MKKS: variants seen among roughly 807,000 people sequenced by gnomAD.
MKKS encodes MKKS centrosomal shuttling protein.
Under a neutral mutation model 33.2 loss-of-function variants are expected in MKKS, and 29 were observed. The ratio of observed to expected loss-of-function variants is 0.87; its 90% CI spans 0.65 to 1.19. The LOEUF (loss-of-function observed/expected upper bound fraction) is 1.19, where lower values mean the gene tolerates loss of function less well. Among genes scored for constraint, MKKS ranks in the 50% most tolerant of loss-of-function variants. MKKS has a pLI of 0.00. For missense variants in MKKS, 661 were observed against 662.3 expected (o/e 1.00, Z 0.02); for synonymous variants, 260 against 244.0 (o/e 1.07, Z -0.61).
chr20:10,423,646 C>G lies in MKKS; in HGVS notation c.-648-2888G>C, dbSNP rs1434341969. ...AAGAGTGAAAATTATATAGGGTTAG[C>G]TCCCTATAATACTTAGTGAATCTTT... On this transcript the variant is annotated intron_variant, in intron 1 of 5. Transcript: ENST00000347364. 2.0e-5 allele frequency among the ~76,000 whole-genome samples: 3 copies of G among 152,114 alleles called. No homozygotes were observed. In the South Asian group the frequency reaches 6.2e-4, roughly 32 times the overall value.
chr20:10,412,723 A>C lies in MKKS; in HGVS notation c.792T>G (p.Tyr264Ter), dbSNP rs74315397. Residue 264 changes from tyrosine to a stop codon, truncating the protein, a stop_gained, in exon 3 of 6, where the codon TAT becomes TAG. Transcript: ENST00000347364. LOFTEE classifies it high-confidence loss of function. Reference protein sequence around the residue: ...DTGEGTVVVSYGVSLENAVLD... With the variant: ...DTGEGTVVVS ...AGACTGCATTTTCAAGAGAAACCCC[A>C]TAACTGACCACCACAGTTCCTTCTC... 2 of 1,614,062 alleles carry C rather than the reference A, an allele frequency of 1.2e-6. No individual in the cohort carries two copies. Among genetic ancestry groups the C allele is most frequent in the South Asian group, 1.1e-5 (1 of 91,090 alleles).
intron 1 of MKKS, among the ~76,000 whole-genome samples, chr20:10,429,673 T>G (rs1442103845): frequency 1.3e-5 from 2 of 152,196 alleles, no homozygotes; most frequent in Non-Finnish European, 2.9e-5. Context: ...ATGCTCCTCA[T>G]CAACTCACTC....
chr20:10,432,789 C>CAAAAA (rs71184200), intron 1 of MKKS, among the ~76,000 whole-genome samples: 17,147 of 74,318 alleles, frequency 0.23, 3,785 homozygotes, highest in Non-Finnish European at 0.32. Context: ...GACTCTTTGT[C>CAAAAA]AAAAAAAAAA....
rs879861291 is a variant in MKKS at position 10,424,582 on chromosome 20, C to CA, written c.-648-3825dup. Among the ~76,000 whole-genome samples, 199 of 142,160 alleles carry CA rather than the reference C, an allele frequency of 1.4e-3. No homozygotes were observed. The Middle Eastern group carries it at 0.015, about 10-fold the overall frequency. The allele number at this position is 142,160 out of a possible 152,430, so 93.3% of individuals were successfully genotyped here. A position where few individuals can be genotyped will look rare whatever the true frequency, so the allele number is the denominator to read the frequency against. Reference sequence around the variant, plus strand: ...CTAGCAAAGCTCATTGCTAGTTTTACAAAAAAAAAAATAGTTTTCAAATTT... The same window carrying CA: ...CTAGCAAAGCTCATTGCTAGTTTTACAAAAAAAAAAAATAGTTTTCAAATTT... On this transcript the variant is annotated intron_variant, in intron 1 of 5. Transcript: ENST00000347364.
rs770568142 is a variant in MKKS, at chr20:10,405,550, A to G, written c.1410T>C (p.Thr470=). The change falls in exon 6 of 6, where the codon ACT becomes ACC. Residue 470 remains threonine (T), a synonymous_variant. Coordinates refer to ENST00000347364, the MANE Select transcript of MKKS (RefSeq NM_170784.3). ...ACCAAAGGTGTCCATACTTCATGTC[A>G]GTGAGAATTTCACCTCCATCATGTT... ...SLEHDGGEIL[T]DMKYGHLWSV... is the part of the protein sequence containing the mutation. The G allele has an allele frequency of 1.7e-5, 28 of 1,614,082 alleles. No individual in the cohort carries two copies. In the South Asian group the frequency reaches 2.9e-4, roughly 16 times the overall value.
intron 3 of MKKS, among the ~76,000 whole-genome samples, chr20:10,411,420 A>G (rs77689777): frequency 0.018 from 2,683 of 152,206 alleles, 85 homozygotes; most frequent in African/African-American, 0.06. Flanking sequence ...AAAGTGTCCC[A>G]TATTTTAAAA....
chr20:10,415,381 G>C (rs1240537848), intron 2 of MKKS, among the ~76,000 whole-genome samples: 1 of 152,100 alleles, frequency 6.6e-6, no homozygotes, highest in African/African-American at 2.4e-5. Flanking sequence ...CAAAGAGGTG[G>C]GCAGAACAAG....
Position 10,407,719 on chromosome 20 carries a change from C to T in MKKS, c.1169G>A (p.Cys390Tyr), listed in dbSNP as rs1361214616. 3.1e-6 allele frequency: 5 copies of T among 1,613,382 alleles called. No individual in the cohort carries two copies. In the African/African-American group the frequency reaches 4.0e-5, roughly 13 times the overall value. Residue 390 changes from cysteine to tyrosine, a missense_variant, in exon 5 of 6, where the codon TGT becomes TAT. Cys to Tyr is a radical substitution (Grantham distance 194). Coordinates refer to ENST00000347364, the MANE Select transcript of MKKS (RefSeq NM_170784.3). ...CTGCAGGACATGCAGTGCCGTCTGA[C>T]ACGTGAGCTAAGAAAAAACCCAAAT... ...DTAWDELKLTCQTALHVLQLT... is the reference protein window; with the variant it reads ...DTAWDELKLTYQTALHVLQLT...
At position 10,404,489 on chromosome 20, in the gene MKKS, A is replaced by G. The variant is rs2064827665; in HGVS notation, c.*758T>C. ...GCACAGGGCAGCCTCCGTACAACAA[A>G]GAATTATGGGGCTCAGAATGTCAAT... On this transcript the variant is annotated 3_prime_UTR_variant, in exon 6 of 6. Coordinates refer to ENST00000347364, the MANE Select transcript of MKKS (RefSeq NM_170784.3). The G allele has an allele frequency of 6.6e-6, 1 of 151,864 alleles. No homozygotes were observed. The highest frequency in any genetic ancestry group is 2.4e-5 in the African/African-American group (1 of 41,304). 9.4% of individuals were successfully genotyped at this position (151,864 alleles called of 1,614,324 possible).
At chr20:10,421,422 A>C (rs990883155) in intron 1 of MKKS, among the ~76,000 whole-genome samples, 22 of 151,460 alleles carry the variant, frequency 1.5e-4, no homozygotes, top group African/African-American at 5.1e-4. Flanking sequence ...ATCACAAAAA[A>C]AAAAAAAAAA....
chr20:10,431,826 C>T (rs1311704454), intron 1 of MKKS: 1 of 152,210 alleles, frequency 6.6e-6, no homozygotes, highest in Non-Finnish European at 1.5e-5. Flanking sequence ...CCCCTTTGGT[C>T]CACAGAGGAT....
In MKKS at chr20:10,408,618, C is replaced by A; in HGVS notation, c.1161+10G>T. ...GCCTCTGCATATGGAATTCAAAGTT[C>A]ATTACCTACCTTCAGCTCATCCCAG... is the stretch of plus-strand genomic sequence containing the variant. On this transcript the variant is annotated intron_variant, in intron 4 of 5. Transcript: ENST00000347364. 1 of 1,613,682 alleles carries A rather than the reference C, an allele frequency of 6.2e-7. No homozygotes were observed. Among genetic ancestry groups the A allele is most frequent in the Non-Finnish European group, 8.5e-7 (1 of 1,179,712 alleles).
At chr20:10,428,111 T>C (rs2065028731) in intron 1 of MKKS, among the ~76,000 whole-genome samples, 1 of 152,232 alleles carries the variant, frequency 6.6e-6, no homozygotes, top group African/African-American at 2.4e-5. Context: ...CAGTCTCAAA[T>C]ATTAAGCAAG....
Position 10,408,739 on chromosome 20 carries a change from C to G in MKKS, c.1050G>C (p.Val350=). 6.2e-7 allele frequency: 1 copy of G among 1,613,818 alleles called. No individual in the cohort carries two copies. Among genetic ancestry groups the G allele is most frequent in the South Asian group, 1.1e-5 (1 of 91,076 alleles). The change falls in exon 4 of 6, where the codon GTG becomes GTC. Residue 350 remains valine (V), a synonymous_variant. Transcript: ENST00000347364. ...CPNSYGSVKD[V]CTAKFGSKHF... is the part of the protein sequence containing the mutation. Reference sequence around the variant, plus strand: ...GTTTGGAGCCAAATTTTGCAGTGCACACATCTTTCACACTTCCATAACTAT... The same window carrying G: ...GTTTGGAGCCAAATTTTGCAGTGCAGACATCTTTCACACTTCCATAACTAT...
Position 10,404,144 on chromosome 20 carries a change from T to C in MKKS, c.*1103A>G, listed in dbSNP as rs2064825405. ...TTCTTCAATTTATCAATACATCTTA[T>C]ATTTGCATAAAATTCAAACTACATC... On this transcript the variant is annotated 3_prime_UTR_variant, in exon 6 of 6. Transcript: ENST00000347364. 6.6e-6 allele frequency: 1 copy of C among 152,212 alleles called. No individual in the cohort carries two copies. The highest frequency in any genetic ancestry group is 6.6e-5 in the Admixed American group (1 of 15,266). The allele number at this position is 152,212 out of a possible 1,614,324, so 9.4% of individuals were successfully genotyped here. A position where few individuals can be genotyped will look rare whatever the true frequency, so the allele number is the denominator to read the frequency against.
At chr20:10,425,946 A>T (rs1450825447) in intron 1 of MKKS, among the ~76,000 whole-genome samples, 1 of 152,244 alleles carries the variant, frequency 6.6e-6, no homozygotes, top group Non-Finnish European at 1.5e-5. Context: ...TAAATTTTAG[A>T]TCAAGTAAAA....
intron 3 of MKKS, among the ~76,000 whole-genome samples, chr20:10,410,602 T>C (rs1231653229): frequency 6.6e-6 from 1 of 152,156 alleles, no homozygotes; most frequent in African/African-American, 2.4e-5. Context: ...CACTCCAGCC[T>C]GGGCGATAGA....
rs532183373 is a variant in MKKS at position 10,410,723 on chromosome 20, G to A, written c.985+1807C>T. Among the ~76,000 whole-genome samples, 7 of 152,230 alleles carry A rather than the reference G, an allele frequency of 4.6e-5. No individual in the cohort carries two copies. The East Asian group carries it at 1.3e-3, about 29-fold the overall frequency. ...ACACAACCTATATCATTAATAAACA[G>A]GAATTTTGTTTGAAGGCCTGAAATG... is the stretch of plus-strand genomic sequence containing the variant. On this transcript the variant is annotated intron_variant, in intron 3 of 5. Coordinates refer to ENST00000347364, the MANE Select transcript of MKKS (RefSeq NM_170784.3).
At chr20:10,409,100 T>C (rs1385335686) in intron 3 of MKKS, among the ~76,000 whole-genome samples, 1 of 152,188 alleles carries the variant, frequency 6.6e-6, no homozygotes, top group African/African-American at 2.4e-5. Flanking sequence ...TTTGCATACA[T>C]TTTCAAGGAA....
Sources: allele counts gnomAD v4.1 joint callset (sites outside exome capture counted in the v4.1 genomes callset), GRCh38; gene constraint gnomAD v4.1.1; transcripts MANE v1.5; gene names NCBI Gene and HGNC (gene_info 2026-07-23, HGNC 2026-07-21).